Variants in LOXHD1 observed in about 807,000 individuals in gnomAD.
LOXHD1 encodes the protein lipoxygenase homology PLAT domains 1, also known as lipoxygenase homology domain-containing protein 1.
LOXHD1 carries 205 observed loss-of-function variants against 248.2 expected under a neutral mutation model. The ratio of observed to expected loss-of-function variants is 0.83; its 90% CI spans 0.74 to 0.93. The LOEUF (loss-of-function observed/expected upper bound fraction) is 0.93. Among genes scored for constraint, LOXHD1 ranks in the 40% least tolerant of loss-of-function variants. LOXHD1 has a pLI of 0.00. For missense variants in LOXHD1, 2,930 were observed against 2,971.6 expected, an observed-to-expected ratio of 0.99 and a Z score of 0.33; for synonymous variants, 1,113 against 1,162.8, an observed-to-expected ratio of 0.96 and a Z score of 0.87.
chr18:46,613,571 C>G (rs1471371298), intron 5 of LOXHD1, among the ~76,000 whole-genome samples: 4 of 151,964 alleles, frequency 2.6e-5, no homozygotes, highest in Non-Finnish European at 5.9e-5. Context: ...TTTTCTGGCC[C>G]TAGGACCTCT....
chr18:46,649,390 C>G, intron 1 of LOXHD1, 121 bp from the exon 2 acceptor site: 1 of 772,394 alleles, frequency 1.3e-6, no homozygotes, highest in East Asian at 2.7e-5. Context: ...GGAATCCCTG[C>G]TGCATCCTGT....
chr18:46,488,300 T>C (rs2033213002), intron 38 of LOXHD1, among the ~76,000 whole-genome samples: 1 of 152,192 alleles, frequency 6.6e-6, no homozygotes, highest in Non-Finnish European at 1.5e-5. Context: ...CATACTGGAC[T>C]GGGTATTATA....
At position 46,488,977 on chromosome 18, in the gene LOXHD1, T is replaced by G. The variant is rs1317511421; in HGVS notation, c.6044A>C (p.Glu2015Ala). 4 of 1,551,238 alleles carry G rather than the reference T, an allele frequency of 2.6e-6. No homozygotes were observed. Among genetic ancestry groups the G allele is most frequent in the Non-Finnish European group, 3.5e-6 (4 of 1,146,564 alleles). ...CAATGATCTCCCCCACATACTGGTC[T>G]CTTCCAGCTCATCACAGATCTTGTT... Reference protein sequence around the residue: ...ANNKICDELEETTYEIVIETG... With the variant: ...ANNKICDELEATTYEIVIETG... Residue 2015 changes from glutamate (E) to alanine (A), a missense_variant, in exon 38 of 41, where the codon GAG becomes GCG. Glu to Ala is a moderately radical substitution (Grantham distance 107). Coordinates refer to ENST00000642948, the MANE Select transcript of LOXHD1 (RefSeq NM_001384474.1).
chr18:46,484,691 T>A (rs2032888173), intron 39 of LOXHD1, among the ~76,000 whole-genome samples: 1 of 152,134 alleles, frequency 6.6e-6, no homozygotes, highest in Non-Finnish European at 1.5e-5. Flanking sequence ...AGTGAGGAGA[T>A]GAAGTGGGCA....
At position 46,534,345 on chromosome 18, in the gene LOXHD1, G is replaced by A. The variant is rs377530294; in HGVS notation, c.4202C>T (p.Pro1401Leu). 5.4e-5 allele frequency: 83 copies of A among 1,550,796 alleles called. No homozygotes were observed. The African/African-American group carries it at 7.4e-4, about 14-fold the overall frequency. ...CAGTCAACAACTCACGTCTTTATCC[G>A]GGAGGAGCCTGCGGATGTCCACGTG... The part of the protein sequence containing the change: ...CSHVDIRRLL[P>L]DKDGAETLTF... The change falls in exon 27 of 41, where the codon CCG (proline) becomes CTG (leucine). Residue 1401 changes from proline to leucine, a missense_variant. By Grantham distance (98) the Pro-to-Leu change is moderately conservative. Transcript: ENST00000642948.
At chr18:46,590,446 C>T (rs146223381) in intron 12 of LOXHD1, among the ~76,000 whole-genome samples, 1 of 152,266 alleles carries the variant, frequency 6.6e-6, no homozygotes, top group East Asian at 1.9e-4. Context: ...AAAAGGGTTT[C>T]AAAAGCAGTT....
At chr18:46,637,467 G>T (rs537754198) in intron 4 of LOXHD1, among the ~76,000 whole-genome samples, 1 of 152,302 alleles carries the variant, frequency 6.6e-6, no homozygotes, top group South Asian at 2.1e-4. Context: ...CTGAAAAGTG[G>T]CAAGTTTGAC....
At chr18:46,628,020 T>C (rs753103013) in intron 4 of LOXHD1, among the ~76,000 whole-genome samples, 6 of 152,172 alleles carry the variant, frequency 3.9e-5, no homozygotes, top group Non-Finnish European at 5.9e-5. Flanking sequence ...AAAATGCCCA[T>C]TGAATCACTG....
chr18:46,576,854 T>G lies in LOXHD1; in HGVS notation c.1970+853A>C, dbSNP rs532738628. Among the ~76,000 whole-genome samples the G allele has an allele frequency of 7.9e-5, 12 of 152,300 alleles. No individual in the cohort carries two copies. The South Asian group carries it at 2.5e-3, about 32-fold the overall frequency. On this transcript the variant is annotated intron_variant, in intron 14 of 40. Transcript: ENST00000642948. ...GTGTGTGCGCCTGTAGGCACAGGCA[T>G]GCATGTGAGTACATCTGCGTTCATG...
chr18:46,538,891 TG>T (rs1324281139), intron 25 of LOXHD1, among the ~76,000 whole-genome samples: 1 of 152,186 alleles, frequency 6.6e-6, no homozygotes, highest in Admixed American at 6.5e-5. Flanking sequence ...ATGGCCTGCC[TG>T]CCCCAACCCA....
At chr18:46,516,329 A>G (rs1361714066) in intron 34 of LOXHD1, among the ~76,000 whole-genome samples, 2 of 152,238 alleles carry the variant, frequency 1.3e-5, no homozygotes, top group Non-Finnish European at 2.9e-5. Context: ...TAAATGTTCA[A>G]TGCATGTTAG....
At chr18:46,478,346 G>A (rs1257581211) in intron 40 of LOXHD1, among the ~76,000 whole-genome samples, 1 of 152,040 alleles carries the variant, frequency 6.6e-6, no homozygotes, top group Non-Finnish European at 1.5e-5. Context: ...ACTGCGCCTG[G>A]CCGACCCTAT....
rs555210209 is a variant in LOXHD1 at position 46,559,503 on chromosome 18, G to A, written c.3161C>T (p.Thr1054Met). ...LTIYGEEYGD[T>M]GERPLKKSDK... Reference sequence around the variant, plus strand: ...TGACTTCTTCAGGGGTCGTTCGCCCGTGTCTCCATACTCCTCGCCGTAGAT... The same window carrying A: ...TGACTTCTTCAGGGGTCGTTCGCCCATGTCTCCATACTCCTCGCCGTAGAT... Residue 1054 changes from threonine to methionine, a missense_variant, in exon 20 of 41, where the codon ACG becomes ATG. By Grantham distance (81) the Thr-to-Met change is moderately conservative. Coordinates refer to ENST00000642948, the MANE Select transcript of LOXHD1 (RefSeq NM_001384474.1). 1.2e-5 allele frequency: 19 copies of A among 1,552,052 alleles called. No individual in the cohort carries two copies. In the East Asian group the frequency reaches 1.5e-4, roughly 12 times the overall value.
chr18:46,633,806 G>C (rs1214394800), intron 4 of LOXHD1, among the ~76,000 whole-genome samples: 1 of 152,204 alleles, frequency 6.6e-6, no homozygotes, highest in Non-Finnish European at 1.5e-5. Flanking sequence ...AAAAATGGAT[G>C]AAGGATTTGA....
At chr18:46,637,160 GAAAC>G (rs3058886) in intron 4 of LOXHD1, among the ~76,000 whole-genome samples, 90,294 of 151,458 alleles carry the variant, frequency 0.6, 27,721 homozygotes, top group East Asian at 0.88. Context: ...ACAAAAACAG[GAAAC>G]AAACAAACAA....
intron 3 of LOXHD1, among the ~76,000 whole-genome samples, chr18:46,640,292 C>T (rs2038946572): frequency 6.6e-6 from 1 of 152,198 alleles, no homozygotes; most frequent in Non-Finnish European, 1.5e-5. Flanking sequence ...ACCTGATTTA[C>T]AGGACACAGC....
chr18:46,641,288 A>G (rs1054141617), intron 3 of LOXHD1, among the ~76,000 whole-genome samples: 1 of 152,248 alleles, frequency 6.6e-6, no homozygotes. Context: ...CAATCAGACC[A>G]CAAATGAACA....
At chr18:46,541,161 A>T (rs1356633050) in intron 25 of LOXHD1, among the ~76,000 whole-genome samples, 1 of 152,214 alleles carries the variant, frequency 6.6e-6, no homozygotes, top group Non-Finnish European at 1.5e-5. Context: ...TGATGATGAC[A>T]GTGGAAAGGA....
At position 46,538,218 on chromosome 18, in the gene LOXHD1, TAC is replaced by T; in HGVS notation, c.4031_4032del (p.Cys1344TyrfsTer11). The T allele has an allele frequency of 6.5e-7, 1 of 1,548,244 alleles. No individual in the cohort carries two copies. The highest frequency in any genetic ancestry group is 2.5e-5 in the East Asian group (1 of 40,790). On this transcript the variant is annotated frameshift_variant, in exon 26 of 41. Coordinates refer to ENST00000642948, the MANE Select transcript of LOXHD1 (RefSeq NM_001384474.1). LOFTEE classifies it high-confidence loss of function. ...DAVCTQQKYL[C>X]TNKREQKQFF... ...AACTGCTTCTGTTCCCTCTTGTTGG[TAC>T]ACAGATACTTCTGCTGGGTGCACAC...
Sources: allele counts gnomAD v4.1 joint callset (sites outside exome capture counted in the v4.1 genomes callset), GRCh38; gene constraint gnomAD v4.1.1; transcripts MANE v1.5; gene names NCBI Gene and HGNC (gene_info 2026-07-23, HGNC 2026-07-21).